SCNN1B: variants seen among roughly 807,000 people sequenced by gnomAD.
SCNN1B encodes the protein sodium channel epithelial 1 subunit beta, also known as epithelial sodium channel subunit beta.
Under a neutral mutation model 65.3 loss-of-function variants are expected in SCNN1B, and 46 were observed. The ratio of observed to expected loss-of-function variants is 0.70; its 90% CI spans 0.56 to 0.90. The LOEUF is 0.90. SCNN1B is among the 40% of genes least tolerant of loss of function. The pLI, the probability that SCNN1B is intolerant of heterozygous loss-of-function variation, is 0.00. For synonymous variants in SCNN1B, 349 were observed against 330.6 expected (o/e 1.06, Z -0.60); for missense variants, 751 against 830.5 (o/e 0.90, Z 1.18).
chr16:23,317,175 G>T (rs993174435), intron 1 of SCNN1B, among the ~76,000 whole-genome samples: 3 of 152,234 alleles, frequency 2.0e-5, no homozygotes, highest in Non-Finnish European at 2.9e-5. Context: ...AAACTCAGCG[G>T]CCTTGTCTGT....
chr16:23,323,045 T>G (rs956567413), intron 1 of SCNN1B, among the ~76,000 whole-genome samples: 1 of 149,410 alleles, frequency 6.7e-6, no homozygotes, highest in Non-Finnish European at 1.5e-5. Context: ...AAAAAAAAAA[T>G]TAGCTCGGCA....
chr16:23,359,811 A>T (rs1187989183), intron 4 of SCNN1B, among the ~76,000 whole-genome samples: 2 of 152,262 alleles, frequency 1.3e-5, no homozygotes, highest in Non-Finnish European at 2.9e-5. Flanking sequence ...GGACAGTGAA[A>T]TAACCACATA....
rs937461828 is a variant in SCNN1B, at chr16:23,365,626, A to G, written c.777-2230A>G. On this transcript the variant is annotated intron_variant, in intron 4 of 12. Transcript: ENST00000343070. The stretch of plus-strand genomic sequence containing the variant: ...GAAAGAAAGAAAGAAAGAAAAAAGA[A>G]AGAAGTCACATCTTGGAAGGAGAGG... 1.4e-5 allele frequency among the ~76,000 whole-genome samples: 2 copies of G among 144,208 alleles called. 1 individual carries two copies. Among genetic ancestry groups the G allele is most frequent in the African/African-American group, 5.0e-5 (2 of 39,656 alleles). 94.6% of individuals were successfully genotyped at this position (144,208 alleles called of 152,430 possible).
At chr16:23,308,725 C>T (rs975440767) in intron 1 of SCNN1B, among the ~76,000 whole-genome samples, 1 of 152,154 alleles carries the variant, frequency 6.6e-6, no homozygotes, top group Admixed American at 6.6e-5. Flanking sequence ...ACCTCCACCT[C>T]GGGTTCAAGC....
chr16:23,283,487 T>C (rs1371976052), intron 1 of SCNN1B, among the ~76,000 whole-genome samples: 1 of 152,220 alleles, frequency 6.6e-6, no homozygotes, highest in Non-Finnish European at 1.5e-5. Context: ...TATAAGAAGG[T>C]GTTGAATGTC....
chr16:23,375,280 G>C (rs1381804997), intron 7 of SCNN1B, among the ~76,000 whole-genome samples: 1 of 152,112 alleles, frequency 6.6e-6, no homozygotes, highest in Non-Finnish European at 1.5e-5. Context: ...GCTTTCCCTG[G>C]GCAATTCCCT....
intron 5 of SCNN1B, among the ~76,000 whole-genome samples, chr16:23,370,973 C>T (rs940609777): frequency 2.0e-4 from 31 of 152,230 alleles, no homozygotes; most frequent in African/African-American, 6.5e-4. Context: ...ACGGGGACAG[C>T]GAGGGCACCT....
At chr16:23,362,919 C>T (rs1275509394) in intron 4 of SCNN1B, among the ~76,000 whole-genome samples, 1 of 152,146 alleles carries the variant, frequency 6.6e-6, no homozygotes, top group Non-Finnish European at 1.5e-5. Flanking sequence ...CCATGGTGCC[C>T]GCCCAGAGCT....
At position 23,377,402 on chromosome 16, in the gene SCNN1B, G is replaced by T; in HGVS notation, c.1404+16G>T. ...GGCCTCCGAGGTGAGACAGTTGGGG[G>T]CCAAGCTCCTGGCTCCCACCTTTGG... On this transcript the variant is annotated intron_variant, in intron 10 of 12. Transcript: ENST00000343070. The T allele has an allele frequency of 1.9e-6, 3 of 1,613,922 alleles. No homozygotes were observed. Among genetic ancestry groups the T allele is most frequent in the Non-Finnish European group, 1.7e-6 (2 of 1,179,802 alleles).
intron 1 of SCNN1B, chr16:23,304,042 C>T (rs1041800881): frequency 1.3e-6 from 2 of 1,533,908 alleles, no homozygotes; most frequent in African/African-American, 2.7e-5. Flanking sequence ...TAAACTGCTG[C>T]ATGGATTCCC....
chr16:23,292,723 C>T (rs1025239463), intron 2 of SCNN1B, among the ~76,000 whole-genome samples: 1 of 150,492 alleles, frequency 6.6e-6, no homozygotes, highest in Non-Finnish European at 1.5e-5. Context: ...AGGCTGGTCT[C>T]GAACTCCTGG....
rs887545479 is a variant in SCNN1B at position 23,324,666 on chromosome 16, C to T, written c.-9+22229C>T. ...ATTTTATTCCCAATGGAACAACCAC[C>T]TCCCTTCTCCACCTCTACCCATCCT... On this transcript the variant is annotated intron_variant, in intron 1 of 12. Coordinates refer to ENST00000343070, the MANE Select transcript of SCNN1B (RefSeq NM_000336.3). 3.3e-5 allele frequency among the ~76,000 whole-genome samples: 5 copies of T among 152,290 alleles called. No homozygotes were observed. The South Asian group carries it at 8.3e-4, about 25-fold the overall frequency.
chr16:23,292,435 G>A (rs1212350330), intron 2 of SCNN1B, among the ~76,000 whole-genome samples: 5 of 151,904 alleles, frequency 3.3e-5, no homozygotes, highest in Non-Finnish European at 7.4e-5. Context: ...CTGACCTCGT[G>A]ATCCGCCCGC....
intron 1 of SCNN1B, among the ~76,000 whole-genome samples, chr16:23,339,818 T>G (rs537142701): frequency 2.5e-4 from 38 of 152,210 alleles, no homozygotes; most frequent in Non-Finnish European, 5.9e-5. Context: ...CCACCCACCT[T>G]GACCTCCCAA....
At chr16:23,371,014 C>T (rs895526788) in intron 5 of SCNN1B, among the ~76,000 whole-genome samples, 2 of 152,138 alleles carry the variant, frequency 1.3e-5, no homozygotes, top group African/African-American at 2.4e-5. Flanking sequence ...ATGGGTGGGC[C>T]GTGGCCATGC....
chr16:23,302,992 GCCTA>G (rs905955188), intron 1 of SCNN1B, among the ~76,000 whole-genome samples: 6 of 152,180 alleles, frequency 3.9e-5, no homozygotes, highest in Non-Finnish European at 8.8e-5. Flanking sequence ...CGACCCTGGA[GCCTA>G]CCTCGTGGGC....
chr16:23,347,704 T>C (rs568018750), intron 1 of SCNN1B, among the ~76,000 whole-genome samples: 10 of 152,322 alleles, frequency 6.6e-5, no homozygotes, highest in African/African-American at 2.2e-4. Flanking sequence ...GCTCAGGAGT[T>C]TGAGACCAGC....
At chr16:23,370,617 C>T (rs1962761998) in intron 5 of SCNN1B, among the ~76,000 whole-genome samples, 1 of 152,180 alleles carries the variant, frequency 6.6e-6, no homozygotes, top group South Asian at 2.1e-4. Flanking sequence ...GAGGCAGGTA[C>T]TCAGAAGGAA....
chr16:23,340,895 GA>G (rs1156333170), intron 1 of SCNN1B, among the ~76,000 whole-genome samples: 1 of 115,604 alleles, frequency 8.7e-6, no homozygotes, highest in Non-Finnish European at 1.8e-5. Context: ...ATGTTGCTTT[GA>G]AGTGTGTGTG....
Sources: allele counts gnomAD v4.1 joint callset (sites outside exome capture counted in the v4.1 genomes callset), GRCh38; gene constraint gnomAD v4.1.1; transcripts MANE v1.5; gene names NCBI Gene and HGNC (gene_info 2026-07-23, HGNC 2026-07-21).